CEP350: variants seen among roughly 807,000 people sequenced by gnomAD.
The protein encoded by CEP350 is centrosome-associated protein 350.
Under a neutral mutation model 331.8 loss-of-function variants are expected in CEP350, and 126 were observed. The ratio of observed to expected loss-of-function variants is 0.38; its 90% CI spans 0.33 to 0.44. CEP350 has a LOEUF of 0.44. CEP350 is among the 20% of genes least tolerant of loss of function. CEP350 has a pLI of 1.00. For missense variants in CEP350, 3,406 were observed against 3,634.6 expected (o/e 0.94, Z 1.62); for synonymous variants, 1,200 against 1,259.5 (o/e 0.95, Z 1.00).
chr1:180,065,274 T>C lies in CEP350; in HGVS notation c.5567+2T>C, dbSNP rs761106583. ...AATGAGAAGCCGCATGGATGAAAAG[T>C]ATTTGTTTTTTATAAATATCTCTTG... On this transcript the variant is annotated splice_donor_variant, in intron 27 of 37. Coordinates refer to ENST00000367607, the MANE Select transcript of CEP350 (RefSeq NM_014810.5). LOFTEE classifies it high-confidence loss of function. 1 of 1,599,230 alleles carries C rather than the reference T, an allele frequency of 6.3e-7. No individual in the cohort carries two copies.
At chr1:180,085,433 T>A (rs1303604650) in intron 31 of CEP350, 1 of 152,316 alleles carries the variant, frequency 6.6e-6, no homozygotes, top group Non-Finnish European at 1.5e-5. Flanking sequence ...TATGACCTCT[T>A]GCCTCTACTG....
chr1:180,070,102 A>G (rs1197924518), intron 27 of CEP350, among the ~76,000 whole-genome samples: 1 of 152,232 alleles, frequency 6.6e-6, no homozygotes, highest in Admixed American at 6.5e-5. Context: ...ATGTACACAC[A>G]TATATACAAC....
rs1433601054 is a variant in CEP350, at chr1:180,078,650, A to G, written c.5955A>G (p.Glu1985=). Residue 1985 remains glutamate (E), a synonymous_variant, in exon 29 of 38, where the codon GAA becomes GAG. Transcript: ENST00000367607. Reference sequence around the variant, plus strand: ...AAATGATTTGTTCACAGGAACTAGAATCTTCTACCTCTCCTAGTAAACATG... The same window carrying G: ...AAATGATTTGTTCACAGGAACTAGAGTCTTCTACCTCTCCTAGTAAACATG... ...TEEMICSQEL[E]SSTSPSKHSL... is the part of the protein sequence containing the mutation. The G allele has an allele frequency of 2.1e-5, 34 of 1,608,936 alleles. No homozygotes were observed. The highest frequency in any genetic ancestry group is 2.7e-5 in the Non-Finnish European group (32 of 1,177,434).
chr1:180,042,130 TCTCACACACACACA>T, intron 19 of CEP350, among the ~76,000 whole-genome samples: 1 of 69,208 alleles, frequency 1.4e-5, no homozygotes, highest in African/African-American at 3.7e-5. Context: ...GTGAGTTTTC[TCTCACACACACACA>T]CACACACACA....
chr1:179,967,187 A>G (rs562333358), intron 1 of CEP350, among the ~76,000 whole-genome samples: 1 of 152,292 alleles, frequency 6.6e-6, no homozygotes, highest in South Asian at 2.1e-4. Flanking sequence ...AATGATGTAA[A>G]GAAGACCTTT....
chr1:179,957,602 A>G (rs77264904), intron 1 of CEP350, among the ~76,000 whole-genome samples: 1,569 of 152,344 alleles, frequency 0.01, 29 homozygotes, highest in African/African-American at 0.034. Context: ...ACTAAAGAAT[A>G]GTCCCAGAAT....
intron 20 of CEP350, 103 bp from the exon 21 acceptor site, chr1:180,043,948 C>A: frequency 1.0e-6 from 1 of 979,464 alleles, no homozygotes; most frequent in Non-Finnish European, 1.4e-6. Flanking sequence ...TTTATAATAT[C>A]TATTTGTTCA....
At chr1:180,004,915 C>CT (rs1232626779) in intron 7 of CEP350, among the ~76,000 whole-genome samples, 1 of 70,322 alleles carries the variant, frequency 1.4e-5, no homozygotes, top group African/African-American at 3.8e-5. Context: ...TGCTTTCTTT[C>CT]TTTCTTTCTT....
At position 180,112,663 on chromosome 1, in the gene CEP350, A is replaced by T. The variant is rs1185525725; in HGVS notation, c.*1502A>T. ...AGGTCCTGGTTAGAAGCATGATACA[A>T]GACATCTACTGGATTCATATTTACA... On this transcript the variant is annotated 3_prime_UTR_variant, in exon 38 of 38. Coordinates refer to ENST00000367607, the MANE Select transcript of CEP350 (RefSeq NM_014810.5). 1 of 152,670 alleles carries T rather than the reference A, an allele frequency of 6.6e-6. No homozygotes were observed. The highest frequency in any genetic ancestry group is 2.1e-4 in the South Asian group (1 of 4,836). The allele number at this position is 152,670 out of a possible 1,614,324, so 9.5% of individuals were successfully genotyped here.
chr1:179,980,352 T>G (rs553088891), intron 1 of CEP350, among the ~76,000 whole-genome samples: 17 of 151,978 alleles, frequency 1.1e-4, no homozygotes, highest in Non-Finnish European at 1.8e-4. Flanking sequence ...AGTTCATTAT[T>G]TATATATAGA....
intron 13 of CEP350, 131 bp from the exon 14 acceptor site, chr1:180,024,287 AT>A (rs1655521128): frequency 8.3e-6 from 6 of 722,910 alleles, no homozygotes; most frequent in African/African-American, 1.8e-5. Flanking sequence ...TTAAAAAAAA[AT>A]AATAAAGTGT....
chr1:180,043,029 G>C, intron 19 of CEP350, 27 bp from the exon 20 acceptor site: 1 of 1,599,386 alleles, frequency 6.3e-7, no homozygotes, highest in African/African-American at 1.3e-5. Context: ...TAATACATTT[G>C]CCTTTCTTGT....
chr1:180,099,108 C>A, intron 37 of CEP350, 123 bp downstream of exon 37: 1 of 956,024 alleles, frequency 1.0e-6, no homozygotes, highest in Non-Finnish European at 1.5e-6. Flanking sequence ...AATCTTAAAG[C>A]CTTTACTTGC....
In CEP350 at chr1:180,044,111, G is replaced by C; in HGVS notation, c.4560G>C (p.Gln1520His). Residue 1520 changes from glutamine to histidine, a missense_variant, in exon 21 of 38, where the codon CAG (glutamine) becomes CAC (histidine). Transcript: ENST00000367607. The part of the protein sequence containing the change: ...SKEGTLDSKH[Q>H]KYSASYDSYS... ...AAGGGACCCTTGACTCAAAGCATCAGAAGTATTCTGCTTCATATGATAGTT... is the reference window on the plus strand; with the variant it reads ...AAGGGACCCTTGACTCAAAGCATCACAAGTATTCTGCTTCATATGATAGTT... The C allele has an allele frequency of 6.4e-7, 1 of 1,563,590 alleles. No homozygotes were observed. The highest frequency in any genetic ancestry group is 8.7e-7 in the Non-Finnish European group (1 of 1,152,540).
intron 1 of CEP350, among the ~76,000 whole-genome samples, chr1:179,971,611 C>A (rs1236970454): frequency 6.6e-6 from 1 of 152,108 alleles, no homozygotes; most frequent in Non-Finnish European, 1.5e-5. Context: ...CAGGTGTGAC[C>A]CACTGCACCT....
In CEP350 at chr1:180,025,521, G is replaced by C. The variant is rs562595678; in HGVS notation, c.3550+939G>C. Among the ~76,000 whole-genome samples the C allele has an allele frequency of 2.6e-5, 4 of 152,270 alleles. No homozygotes were observed. In the South Asian group the frequency reaches 8.3e-4, roughly 32 times the overall value. Reference sequence around the variant, plus strand: ...AGGCCTACGGAGATGGATAATCACTGTACAAAGTGATTAGGCAAAGGCTTT... The same window carrying C: ...AGGCCTACGGAGATGGATAATCACTCTACAAAGTGATTAGGCAAAGGCTTT... On this transcript the variant is annotated intron_variant, in intron 14 of 37. Transcript: ENST00000367607.
At chr1:179,999,227 A>G (rs1488248138) in intron 6 of CEP350, among the ~76,000 whole-genome samples, 1 of 152,130 alleles carries the variant, frequency 6.6e-6, no homozygotes, top group Admixed American at 6.5e-5. Context: ...TTGAATTCAT[A>G]TTTTGTAATA....
intron 37 of CEP350, among the ~76,000 whole-genome samples, chr1:180,108,000 A>G (rs1661241601): frequency 6.6e-6 from 1 of 151,840 alleles, no homozygotes; most frequent in South Asian, 2.1e-4. Flanking sequence ...GATCAGAAGG[A>G]AAAAAAATAG....
chr1:180,094,646 T>G, intron 34 of CEP350, 30 bp downstream of exon 34: 1 of 1,588,856 alleles, frequency 6.3e-7, no homozygotes, highest in Non-Finnish European at 8.6e-7. Flanking sequence ...AAAGTATCAG[T>G]ATACCTTTTG....
Sources: allele counts gnomAD v4.1 joint callset (sites outside exome capture counted in the v4.1 genomes callset), GRCh38; gene constraint gnomAD v4.1.1; transcripts MANE v1.5; gene names NCBI Gene and HGNC (gene_info 2026-07-23, HGNC 2026-07-21).